Variants in PCDHGB2 observed in about 807,000 individuals in gnomAD.
PCDHGB2 encodes the protein protocadherin gamma subfamily B, 2.
PCDHGB2 carries 55 observed loss-of-function variants against 59.3 expected under a neutral mutation model. The observed-to-expected ratio is 0.93, with a 90% CI of 0.75 to 1.16. The LOEUF is 1.16. Ranked by LOEUF, PCDHGB2 falls within the 50% of genes most tolerant of loss-of-function variation. The pLI, the probability that PCDHGB2 is intolerant of heterozygous loss-of-function variation, is 0.00. For synonymous variants in PCDHGB2, 516 were observed against 512.0 expected (o/e 1.01, Z -0.11); for missense variants, 1,228 against 1,198.5 (o/e 1.02, Z -0.36).
chr5:141,455,627 A>G (rs1426625737), intron 1 of PCDHGB2, among the ~76,000 whole-genome samples: 2 of 152,104 alleles, frequency 1.3e-5, no homozygotes, highest in East Asian at 3.9e-4. Context: ...ACACGTGGAG[A>G]TATGTGGGGG....
At chr5:141,448,662 C>T (rs1242351797) in intron 1 of PCDHGB2, among the ~76,000 whole-genome samples, 1 of 151,980 alleles carries the variant, frequency 6.6e-6, no homozygotes, top group Non-Finnish European at 1.5e-5. Flanking sequence ...CCATATTGGC[C>T]GGGCGCGGTG....
chr5:141,404,982 G>GGATTA (rs1244941764), intron 1 of PCDHGB2: 10 of 1,613,938 alleles, frequency 6.2e-6, no homozygotes, highest in Non-Finnish European at 8.5e-6. Context: ...GACCTGGGCA[G>GGATTA]TCTTCAGATC....
Position 141,372,073 on chromosome 5 carries a change from C to T in PCDHGB2, c.2421+9517C>T, listed in dbSNP as rs774208540. 6.2e-7 allele frequency: 1 copy of T among 1,613,648 alleles called. No homozygotes were observed. Among genetic ancestry groups the T allele is most frequent in the East Asian group, 2.2e-5 (1 of 44,880 alleles). On this transcript the variant is annotated intron_variant, in intron 1 of 3. Coordinates refer to ENST00000522605, the MANE Select transcript of PCDHGB2 (RefSeq NM_018923.3). ...GTGGACGACCGCAACGACAATGCACCGCTGGTGCTGTACCCAGCTCTGGGG... is the reference window on the plus strand; with the variant it reads ...GTGGACGACCGCAACGACAATGCACTGCTGGTGCTGTACCCAGCTCTGGGG...
intron 1 of PCDHGB2, chr5:141,415,857 T>G (rs1271614762): frequency 1.7e-6 from 2 of 1,194,900 alleles, no homozygotes; most frequent in Non-Finnish European, 2.2e-6. Flanking sequence ...AACCTTGTAG[T>G]TTATAGTGTT....
chr5:141,413,054 A>G (rs2095600698), intron 1 of PCDHGB2: 1 of 981,614 alleles, frequency 1.0e-6, no homozygotes, highest in African/African-American at 1.6e-5. Flanking sequence ...AGGGAAGCTC[A>G]CTCCAGAATT....
chr5:141,420,496 G>T, intron 1 of PCDHGB2: 1 of 495,924 alleles, frequency 2.0e-6, no homozygotes, highest in Non-Finnish European at 3.1e-6. Context: ...GTAATCTCCG[G>T]TGACATTTTT....
At chr5:141,435,346 G>A (rs2097758346) in intron 1 of PCDHGB2, among the ~76,000 whole-genome samples, 1 of 152,012 alleles carries the variant, frequency 6.6e-6, no homozygotes, top group South Asian at 2.1e-4. Flanking sequence ...TATTTCTTCT[G>A]CATTTAAAAT....
At chr5:141,426,922 T>C in intron 1 of PCDHGB2, 1 of 456,720 alleles carries the variant, frequency 2.2e-6, no homozygotes, top group Non-Finnish European at 4.4e-6. Flanking sequence ...CTGGAAGCAA[T>C]GGACATGGGT....
chr5:141,372,172 C>T (rs1474578874), intron 1 of PCDHGB2: 17 of 1,613,604 alleles, frequency 1.1e-5, no homozygotes, highest in African/African-American at 4.0e-5. Context: ...AAGGTGGTGG[C>T]GGTGGACGCA....
At chr5:141,402,962 C>A (rs1482027682) in intron 1 of PCDHGB2, 2 of 1,604,618 alleles carry the variant, frequency 1.2e-6, no homozygotes, top group African/African-American at 2.7e-5. Flanking sequence ...AATGGCAGCT[C>A]CAACCAAATG....
intron 1 of PCDHGB2, among the ~76,000 whole-genome samples, chr5:141,381,823 C>CA (rs1777504204): frequency 2.0e-5 from 2 of 101,610 alleles, no homozygotes; most frequent in African/African-American, 8.6e-5. Flanking sequence ...TTTCTTTCTT[C>CA]TTCTTTTTTT....
rs1027897777 is a variant in PCDHGB2, at chr5:141,510,812, C to T, written c.2570-135C>T. 151 of 1,531,674 alleles carry T rather than the reference C, an allele frequency of 9.9e-5. 1 individual carries two copies. The highest frequency in any genetic ancestry group is 2.5e-5 in the South Asian group (2 of 80,152). 94.9% of individuals were successfully genotyped at this position (1,531,674 alleles called of 1,614,324 possible). A position where few individuals can be genotyped will look rare whatever the true frequency, so the allele number is the denominator to read the frequency against. On this transcript the variant is annotated intron_variant, in intron 3 of 3. Coordinates refer to ENST00000522605, the MANE Select transcript of PCDHGB2 (RefSeq NM_018923.3). ...TGTGAAGAGAGACTACCTTGGTGAC[C>T]CCTATATTCCCAGTGCTCAGCGTGG...
chr5:141,491,578 C>G lies in PCDHGB2; in HGVS notation c.2422-3229C>G, dbSNP rs1438933474. ...CCACTGCTACAGGACGTGCTTTTCA[C>G]CGGCCTCGGACGGCAGTGACTTCAC... On this transcript the variant is annotated intron_variant, in intron 1 of 3. Transcript: ENST00000522605. This position sits in a 1 kb window ranked among gnomAD's most constrained non-coding sequence, Gnocchi z 6.9. The G allele has an allele frequency of 1.9e-6, 3 of 1,614,006 alleles. No individual in the cohort carries two copies. Among genetic ancestry groups the G allele is most frequent in the Non-Finnish European group, 2.5e-6 (3 of 1,180,036 alleles).
chr5:141,409,286 C>T (rs1304936825), intron 1 of PCDHGB2: 1 of 1,613,826 alleles, frequency 6.2e-7, no homozygotes, highest in African/African-American at 1.3e-5. Context: ...GAATTCACCT[C>T]CAGGAATGGT....
chr5:141,501,442 T>C (rs1202229661), intron 2 of PCDHGB2, among the ~76,000 whole-genome samples: 1 of 152,016 alleles, frequency 6.6e-6, no homozygotes, highest in African/African-American at 2.4e-5. Context: ...ATTTCTTCCA[T>C]TTTTACTTTT....
In PCDHGB2 at chr5:141,432,612, C is replaced by T. The variant is rs752901891; in HGVS notation, c.2422-62195C>T. 1.9e-6 allele frequency: 3 copies of T among 1,613,912 alleles called. No individual in the cohort carries two copies. The highest frequency in any genetic ancestry group is 2.5e-6 in the Non-Finnish European group (3 of 1,179,970). On this transcript the variant is annotated intron_variant, in intron 1 of 3. Transcript: ENST00000522605. The surrounding 1 kb of genome is among the most constrained non-coding windows in gnomAD (Gnocchi z 6.0). ...AAGGCCAGCGAGCCGGGACTCTTCT[C>T]GGTGGGTCTGCACACGGGCGAGGTG...
intron 1 of PCDHGB2, chr5:141,430,923 A>C (rs2097325574): frequency 6.2e-7 from 1 of 1,607,168 alleles, no homozygotes; most frequent in African/African-American, 1.3e-5. Context: ...CTGGGGCTGG[A>C]GCCCCGGGAG....
rs754740596 is a variant in PCDHGB2, at chr5:141,362,006, G to A, written c.1871G>A (p.Gly624Asp). The change falls in exon 1 of 4, where the codon GGT becomes GAT. Residue 624 changes from glycine (G) to aspartate (D), a missense_variant. This residue lies in a region of PCDHGB2 where 433 missense variants were observed against 441.8 expected (regional missense o/e 0.98). Coordinates refer to ENST00000522605, the MANE Select transcript of PCDHGB2 (RefSeq NM_018923.3). ...CTCTTCAGCCTGGGGTTGCGCACGGGTGAGGTGCGCACAGCGCGTGCCTTG... is the reference window on the plus strand; with the variant it reads ...CTCTTCAGCCTGGGGTTGCGCACGGATGAGGTGCGCACAGCGCGTGCCTTG... ...PGLFSLGLRT[G>D]EVRTARALGD... The A allele has an allele frequency of 4.4e-6, 7 of 1,605,202 alleles. No homozygotes were observed. The highest frequency in any genetic ancestry group is 5.9e-6 in the Non-Finnish European group (7 of 1,178,236).
Position 141,490,583 on chromosome 5 carries a change from A to G in PCDHGB2, c.2422-4224A>G, listed in dbSNP as rs2099701693. ...ATCAGGCTCAACATTTCAGATGTCAATGACAATGCACCCCGCTTCAACCAG... is the reference window on the plus strand; with the variant it reads ...ATCAGGCTCAACATTTCAGATGTCAGTGACAATGCACCCCGCTTCAACCAG... On this transcript the variant is annotated intron_variant, in intron 1 of 3. Coordinates refer to ENST00000522605, the MANE Select transcript of PCDHGB2 (RefSeq NM_018923.3). This position sits in a 1 kb window ranked among gnomAD's most constrained non-coding sequence, Gnocchi z 5.4. 2.5e-6 allele frequency: 4 copies of G among 1,614,138 alleles called. No homozygotes were observed. Among genetic ancestry groups the G allele is most frequent in the African/African-American group, 1.3e-5 (1 of 75,032 alleles).
Sources: allele counts gnomAD v4.1 joint callset (sites outside exome capture counted in the v4.1 genomes callset), GRCh38; gene constraint gnomAD v4.1.1; regional missense constraint gnomAD v4.1.1; non-coding constraint Gnocchi (gnomAD v3.1); transcripts MANE v1.5; gene names NCBI Gene and HGNC (gene_info 2026-07-23, HGNC 2026-07-21).